Variants in FANCB observed in about 807,000 individuals in gnomAD.
FANCB encodes Fanconi anemia group B protein.
FANCB carries 5 observed loss-of-function variants against 38.9 expected under a neutral mutation model. The observed-to-expected ratio is 0.13, with a 90% CI of 0.07 to 0.27. The LOEUF is 0.27. Among genes scored for constraint, FANCB ranks in the 10% least tolerant of loss-of-function variants. FANCB has a pLI of 1.00. For synonymous variants in FANCB, 236 were observed against 215.4 expected, an observed-to-expected ratio of 1.10 and a Z score of -0.84; for missense variants, 573 against 602.7, an observed-to-expected ratio of 0.95 and a Z score of 0.52.
the FANCB span, among the ~76,000 whole-genome samples, chrX:14,815,309 T>TA: frequency 9.4e-6 from 1 of 106,023 alleles, no homozygotes. Flanking sequence ...CCCTAGAACT[T>TA]AAAGTATAAT....
At chrX:14,839,318 C>CA (rs1491081026), downstream of FANCB, among the ~76,000 whole-genome samples, 12 of 105,997 alleles carry the variant, frequency 1.1e-4, no homozygotes, top group Middle Eastern at 4.9e-3. Flanking sequence ...ACAACAACAA[C>CA]AAAAAAAACG....
intron 10 of FANCB, among the ~76,000 whole-genome samples, chrX:14,836,457 C>T (rs1319658523): frequency 1.8e-5 from 2 of 111,633 alleles, no homozygotes; most frequent in Non-Finnish European, 3.8e-5. Flanking sequence ...TTGAGGTAAT[C>T]GATTTTTAAA....
downstream of FANCB, chrX:14,834,601 G>T: frequency 1.8e-6 from 1 of 549,663 alleles, no homozygotes; most frequent in Non-Finnish European, 3.2e-6. Flanking sequence ...ATGCTTGCTT[G>T]CATTTTTGCT....
chrX:14,806,945 T>C, the FANCB span, among the ~76,000 whole-genome samples: 1 of 111,851 alleles, frequency 8.9e-6, no homozygotes, highest in African/African-American at 3.3e-5. Context: ...AAAAAAGGTA[T>C]ATTGTTTCCA....
intron 3 of FANCB, among the ~76,000 whole-genome samples, chrX:14,862,496 T>C (rs973078693): frequency 5.4e-5 from 6 of 111,757 alleles, no homozygotes; most frequent in Non-Finnish European, 1.1e-4. Context: ...AACATGTTAG[T>C]GGCAAAGCTT....
chrX:14,787,804 G>A, the FANCB span, among the ~76,000 whole-genome samples: 1 of 97,108 alleles, frequency 1.0e-5, no homozygotes, highest in East Asian at 3.2e-4. Flanking sequence ...TTAGACAAGG[G>A]AACTAAGGAG....
chrX:14,787,806 A>T, the FANCB span, among the ~76,000 whole-genome samples: 2 of 100,532 alleles, frequency 2.0e-5, no homozygotes, highest in Middle Eastern at 5.0e-3. Flanking sequence ...AGACAAGGGA[A>T]CTAAGGAGAA....
the FANCB span, among the ~76,000 whole-genome samples, chrX:14,701,022 G>C: frequency 9.1e-6 from 1 of 110,270 alleles, no homozygotes; most frequent in African/African-American, 3.3e-5. Flanking sequence ...TTGTGGGTGG[G>C]TGGGTAGGCG....
the FANCB span, among the ~76,000 whole-genome samples, chrX:14,776,564 G>A: frequency 8.9e-6 from 1 of 112,336 alleles, no homozygotes; most frequent in Non-Finnish European, 1.9e-5. Context: ...CTGAGAAAAG[G>A]GGACTGTGAA....
At chrX:14,720,155 T>C in the FANCB span, among the ~76,000 whole-genome samples, 1 of 111,275 alleles carries the variant, frequency 9.0e-6, no homozygotes, top group African/African-American at 3.3e-5. Flanking sequence ...ATTTATTGTA[T>C]TTTTTTCAAA....
the FANCB span, among the ~76,000 whole-genome samples, chrX:14,777,118 C>T: frequency 8.9e-6 from 1 of 112,102 alleles, no homozygotes; most frequent in Non-Finnish European, 1.9e-5. Flanking sequence ...GTTTCTGAAG[C>T]CTTGCCAGGC....
the FANCB span, among the ~76,000 whole-genome samples, chrX:14,786,240 G>T: frequency 8.9e-6 from 1 of 111,735 alleles, no homozygotes; most frequent in African/African-American, 3.3e-5. Context: ...GAACTCTGCT[G>T]AGAGCTGTCA....
At chrX:14,811,191 G>T in the FANCB span, among the ~76,000 whole-genome samples, 42 of 111,043 alleles carry the variant, frequency 3.8e-4, no homozygotes, top group African/African-American at 1.0e-3. Flanking sequence ...AGGAACAACC[G>T]GTACCAGCCA....
chrX:14,835,864 AG>A (rs1389149501), downstream of FANCB: 1 of 112,265 alleles, frequency 8.9e-6, no homozygotes, highest in Non-Finnish European at 1.9e-5. Flanking sequence ...AATAGTACAG[AG>A]GTTTCTCAAA....
chrX:14,802,016 A>G, the FANCB span, among the ~76,000 whole-genome samples: 1 of 112,015 alleles, frequency 8.9e-6, no homozygotes, highest in East Asian at 2.8e-4. Flanking sequence ...CCTTTGCTGT[A>G]GCAAGTTTAG....
intron 10 of FANCB, among the ~76,000 whole-genome samples, chrX:14,836,683 TTC>T (rs1227408744): frequency 8.9e-6 from 1 of 112,147 alleles, no homozygotes; most frequent in Non-Finnish European, 1.9e-5. Context: ...GTAGACATTT[TTC>T]TCTGAGATTC....
chrX:14,733,413 A>G, the FANCB span, among the ~76,000 whole-genome samples: 13 of 112,097 alleles, frequency 1.2e-4, no homozygotes, highest in East Asian at 3.1e-3. Context: ...GAAGAAAGTC[A>G]TTGGTAGCTT....
chrX:14,845,408 T>C (rs1421653927), intron 7 of FANCB, 122 bp from the exon 8 acceptor site: 2 of 565,449 alleles, frequency 3.5e-6, no homozygotes. Flanking sequence ...GAAAACATCA[T>C]TTCAAATGTA....
the FANCB span, among the ~76,000 whole-genome samples, chrX:14,709,283 A>G: frequency 9.0e-6 from 1 of 111,479 alleles, no homozygotes; most frequent in African/African-American, 3.3e-5. Context: ...TGTGCCAAAT[A>G]CTGTGTTACA....
Sources: gnomAD v4.1 joint callset for allele counts (sites outside exome capture counted in the v4.1 genomes callset) on GRCh38, gnomAD v4.1.1 for gene constraint, MANE v1.5 for transcripts, NCBI Gene and HGNC (gene_info 2026-07-23, HGNC 2026-07-21) for gene names.